DLG2: variants seen among roughly 807,000 people sequenced by gnomAD.
The protein encoded by DLG2 is discs large MAGUK scaffold protein 2, also known as disks large homolog 2.
In DLG2, 45 loss-of-function variants were observed where a neutral mutation model predicts 132.5. That is an observed-to-expected ratio of 0.34 (90% CI 0.27 to 0.44). The LOEUF (loss-of-function observed/expected upper bound fraction) is 0.44. Among genes scored for constraint, DLG2 ranks in the 20% least tolerant of loss-of-function variants. The pLI, the probability that DLG2 is intolerant of heterozygous loss-of-function variation, is 1.00. For missense variants in DLG2, 1,045 were observed against 1,196.9 expected (o/e 0.87, Z 1.87); for synonymous variants, 424 against 419.6 (o/e 1.01, Z -0.13).
chr11:84,144,717 CAAA>C (rs1200413352), intron 9 of DLG2, among the ~76,000 whole-genome samples: 1 of 152,088 alleles, frequency 6.6e-6, no homozygotes, highest in Non-Finnish European at 1.5e-5. Flanking sequence ...GAGGATAAAC[CAAA>C]CAATGTGTGG....
chr11:83,775,714 C>A (rs928378188), intron 18 of DLG2, among the ~76,000 whole-genome samples: 3 of 145,644 alleles, frequency 2.1e-5, no homozygotes, highest in African/African-American at 5.3e-5. Flanking sequence ...AGTTCATTGT[C>A]ATTATTCTTT....
At chr11:84,077,295 A>G (rs1175389764) in intron 10 of DLG2, among the ~76,000 whole-genome samples, 2 of 152,168 alleles carry the variant, frequency 1.3e-5, no homozygotes, top group Non-Finnish European at 2.9e-5. Flanking sequence ...CCCTACCAAG[A>G]AAAAGAGAAA....
intron 7 of DLG2, among the ~76,000 whole-genome samples, chr11:84,526,929 C>A (rs1591589344): frequency 6.6e-6 from 1 of 152,162 alleles, no homozygotes; most frequent in African/African-American, 2.4e-5. Context: ...CAGGCATCCG[C>A]CACCACGCCC....
At chr11:84,477,072 G>T (rs1335283377) in intron 7 of DLG2, among the ~76,000 whole-genome samples, 2 of 152,066 alleles carry the variant, frequency 1.3e-5, no homozygotes, top group African/African-American at 4.8e-5. Context: ...GAAATATAGT[G>T]GACACTGAAC....
At chr11:85,487,421 A>T (rs897955026) in intron 3 of DLG2, among the ~76,000 whole-genome samples, 57 of 125,804 alleles carry the variant, frequency 4.5e-4, no homozygotes, top group Non-Finnish European at 7.2e-4. Context: ...CCAAAAAATT[A>T]AAAAAAAAAA....
intron 19 of DLG2, among the ~76,000 whole-genome samples, chr11:83,587,549 G>A (rs1368687690): frequency 6.6e-6 from 1 of 152,168 alleles, no homozygotes; most frequent in African/African-American, 2.4e-5. Context: ...GGGATTATAG[G>A]CAAATGTGCT....
intron 25 of DLG2, 46 bp from the exon 26 acceptor site, chr11:83,466,863 G>A (rs764784903): frequency 2.3e-6 from 3 of 1,328,264 alleles, no homozygotes; most frequent in Admixed American, 3.4e-5. Context: ...AGGAAGCATG[G>A]CCATAATCCA....
intron 7 of DLG2, among the ~76,000 whole-genome samples, chr11:84,339,477 A>T (rs2098504146): frequency 6.6e-6 from 1 of 152,004 alleles, no homozygotes; most frequent in Admixed American, 6.6e-5. Flanking sequence ...TTGTTCATCT[A>T]TTTTTTCTCT....
intron 6 of DLG2, among the ~76,000 whole-genome samples, chr11:85,023,899 T>C (rs2060292281): frequency 6.6e-6 from 1 of 152,186 alleles, no homozygotes; most frequent in African/African-American, 2.4e-5. Flanking sequence ...TTGAAGTTTA[T>C]GGAGTTTAGA....
At chr11:85,473,721 G>T (rs1365668068) in intron 3 of DLG2, among the ~76,000 whole-genome samples, 1 of 151,876 alleles carries the variant, frequency 6.6e-6, no homozygotes, top group Non-Finnish European at 1.5e-5. Context: ...ATTCCCTAGA[G>T]GTAGACTTGT....
intron 5 of DLG2, among the ~76,000 whole-genome samples, chr11:85,120,612 G>C (rs533729237): frequency 2.0e-5 from 3 of 151,774 alleles, no homozygotes; most frequent in African/African-American, 7.3e-5. Flanking sequence ...TTTTATTTTA[G>C]GGTATCTTAA....
chr11:83,489,442 T>G (rs1336372605), intron 21 of DLG2, among the ~76,000 whole-genome samples: 1 of 151,982 alleles, frequency 6.6e-6, no homozygotes, highest in Non-Finnish European at 1.5e-5. Flanking sequence ...TTACAATGTA[T>G]AGACTTCATT....
intron 16 of DLG2, among the ~76,000 whole-genome samples, chr11:83,843,485 G>A (rs2154021249): frequency 6.6e-6 from 1 of 152,240 alleles, no homozygotes; most frequent in Admixed American, 6.5e-5. Context: ...ATCCATCTAT[G>A]CTGTCAATCT....
At chr11:85,624,601 A>T (rs967212546) in intron 2 of DLG2, among the ~76,000 whole-genome samples, 1 of 152,204 alleles carries the variant, frequency 6.6e-6, no homozygotes, top group Admixed American at 6.5e-5. Context: ...AACAGTAGAG[A>T]TAGTAAGCAT....
At chr11:85,589,237 T>C (rs2079157543) in intron 3 of DLG2, among the ~76,000 whole-genome samples, 1 of 152,154 alleles carries the variant, frequency 6.6e-6, no homozygotes, top group Non-Finnish European at 1.5e-5. Flanking sequence ...AGCTGTTGTT[T>C]TCCTCTTCCT....
chr11:83,974,920 A>G (rs1050361630), intron 12 of DLG2, among the ~76,000 whole-genome samples: 1 of 152,038 alleles, frequency 6.6e-6, no homozygotes, highest in African/African-American at 2.4e-5. Context: ...ACAAGAACTA[A>G]TTCTCTGTAA....
intron 6 of DLG2, among the ~76,000 whole-genome samples, chr11:84,836,458 G>T (rs2079791909): frequency 6.6e-6 from 1 of 151,552 alleles, no homozygotes; most frequent in African/African-American, 2.4e-5. Context: ...GTCATCCAAG[G>T]ACACTCATAC....
intron 13 of DLG2, among the ~76,000 whole-genome samples, chr11:83,963,233 G>T (rs185533149): frequency 3.3e-5 from 5 of 152,060 alleles, no homozygotes; most frequent in Admixed American, 3.3e-4. Context: ...CTTAATAATA[G>T]TTAAGTCTGT....
At chr11:83,772,496 G>C (rs374739924) in intron 18 of DLG2, among the ~76,000 whole-genome samples, 47 of 146,112 alleles carry the variant, frequency 3.2e-4, no homozygotes, top group Admixed American at 1.9e-3. Flanking sequence ...AAGGAGAAGG[G>C]GGAGGGGAAG....
Sources: gnomAD v4.1 joint callset for allele counts (sites outside exome capture counted in the v4.1 genomes callset) on GRCh38, gnomAD v4.1.1 for gene constraint, MANE v1.5 for transcripts, NCBI Gene and HGNC (gene_info 2026-07-23, HGNC 2026-07-21) for gene names.